The following RTTN variants were observed in gnomAD, a reference collection of about 807,000 sequenced individuals.
RTTN encodes rotatin.
A neutral mutation model predicts 269.2 loss-of-function variants in RTTN; 182 were observed. That is an observed-to-expected ratio of 0.68 (90% CI 0.60 to 0.76). The LOEUF is 0.76. RTTN is among the 30% of genes least tolerant of loss of function. The probability of loss-of-function intolerance (pLI) is 0.00; values close to 1 mark genes in which losing one functional copy is unlikely to be tolerated. For synonymous variants in RTTN, 1,006 were observed against 963.5 expected, an observed-to-expected ratio of 1.04 and a Z score of -0.82; for missense variants, 2,545 against 2,608.6, an observed-to-expected ratio of 0.98 and a Z score of 0.53.
intron 10 of RTTN, among the ~76,000 whole-genome samples, chr18:70,184,328 C>T (rs998174187): frequency 6.6e-6 from 1 of 151,870 alleles, no homozygotes; most frequent in African/African-American, 2.4e-5. Flanking sequence ...CCGAGGCAGG[C>T]AGATCACCTG....
At chr18:70,070,554 C>T (rs1370681305) in intron 34 of RTTN, among the ~76,000 whole-genome samples, 3 of 152,132 alleles carry the variant, frequency 2.0e-5, no homozygotes, top group Non-Finnish European at 4.4e-5. Flanking sequence ...AGTGTCAATA[C>T]GTTATTTCTC....
chr18:70,204,596 G>A (rs937626146), intron 2 of RTTN, among the ~76,000 whole-genome samples: 2 of 152,174 alleles, frequency 1.3e-5, no homozygotes, highest in African/African-American at 2.4e-5. Context: ...TCAACAGGAT[G>A]TCAAAGTAGT....
intron 44 of RTTN, among the ~76,000 whole-genome samples, chr18:70,022,959 T>G (rs2056748262): frequency 6.6e-6 from 1 of 152,156 alleles, no homozygotes; most frequent in Non-Finnish European, 1.5e-5. Context: ...ACAATCTACA[T>G]GACAATGACT....
At chr18:70,032,260 C>T (rs576737279) in intron 40 of RTTN, among the ~76,000 whole-genome samples, 2 of 152,256 alleles carry the variant, frequency 1.3e-5, no homozygotes, top group African/African-American at 2.4e-5. Context: ...TCCCAGAGCC[C>T]GAGCCTAGCC....
Position 70,092,116 on chromosome 18 carries a change from G to A in RTTN, c.4137C>T (p.Asp1379=). The A allele has an allele frequency of 6.2e-7, 1 of 1,601,618 alleles. No individual in the cohort carries two copies. Residue 1379 remains aspartate, a synonymous_variant, in exon 30 of 49, where the codon GAC becomes GAT. Transcript: ENST00000640769. ...GATTCTCCTTCACACTCACCTCTGG[G>A]TCCCGATCAACCCATAATGGAATCA... ...AWLIPLWVDR[D]PEVRFTSLGL... is the part of the protein sequence containing the mutation.
chr18:70,114,633 T>C (rs1361484938), intron 26 of RTTN, 34 bp from the exon 27 acceptor site: 3 of 1,589,110 alleles, frequency 1.9e-6, no homozygotes, highest in Non-Finnish European at 2.6e-6. Flanking sequence ...ATGTATTTAC[T>C]AATTGAACTA....
At chr18:70,044,333 C>T (rs1249033639) in intron 40 of RTTN, among the ~76,000 whole-genome samples, 1 of 152,096 alleles carries the variant, frequency 6.6e-6, no homozygotes, top group Non-Finnish European at 1.5e-5. Context: ...ATATAAGGAG[C>T]AAAATTAATT....
Position 70,196,581 on chromosome 18 carries a change from G to C in RTTN, c.761C>G (p.Ser254Cys), listed in dbSNP as rs756669474. Reference protein sequence around the residue: ...GKHRLALQSVSCLQQLCMYLR... With the variant: ...GKHRLALQSVCCLQQLCMYLR... Reference sequence around the variant, plus strand: ...ATACATGCACAGCTGCTGCAGGCAGGACACCGACTGTAATGCCAGGCGATG... The same window carrying C: ...ATACATGCACAGCTGCTGCAGGCAGCACACCGACTGTAATGCCAGGCGATG... The change falls in exon 7 of 49, where the codon TCC (serine) becomes TGC (cysteine). Residue 254 changes from serine (S) to cysteine (C), a missense_variant. Ser to Cys is a moderately radical substitution (Grantham distance 112, BLOSUM62 -1). Coordinates refer to ENST00000640769, the MANE Select transcript of RTTN (RefSeq NM_173630.4). 2 of 1,604,810 alleles carry C rather than the reference G, an allele frequency of 1.2e-6. No individual in the cohort carries two copies. Among genetic ancestry groups the C allele is most frequent in the Non-Finnish European group, 1.7e-6 (2 of 1,177,408 alleles).
At chr18:70,088,309 T>C (rs1449874944) in intron 30 of RTTN, among the ~76,000 whole-genome samples, 162 bp from the exon 31 acceptor site, 2 of 152,208 alleles carry the variant, frequency 1.3e-5, no homozygotes, top group African/African-American at 4.8e-5. Flanking sequence ...CTCCATTCCA[T>C]GATTCAAGAA....
intron 28 of RTTN, among the ~76,000 whole-genome samples, chr18:70,100,447 G>C (rs1014083672): frequency 3.3e-5 from 5 of 152,248 alleles, no homozygotes; most frequent in African/African-American, 1.2e-4. Context: ...CGACTTTGCT[G>C]AAGTTGCTTA....
chr18:70,157,555 C>T (rs911039900), intron 14 of RTTN, among the ~76,000 whole-genome samples: 2 of 152,158 alleles, frequency 1.3e-5, no homozygotes, highest in African/African-American at 4.8e-5. Flanking sequence ...ATTCTAAAAG[C>T]CAGAATGTCT....
chr18:70,168,149 C>G (rs1208668409), intron 12 of RTTN, among the ~76,000 whole-genome samples: 3 of 151,500 alleles, frequency 2.0e-5, no homozygotes, highest in Non-Finnish European at 2.9e-5. Context: ...TAAATAGGTT[C>G]AGATAGATTC....
intron 40 of RTTN, among the ~76,000 whole-genome samples, chr18:70,037,380 G>A (rs768076070): frequency 6.6e-6 from 1 of 152,160 alleles, no homozygotes; most frequent in Non-Finnish European, 1.5e-5. Context: ...CCTTCTACTT[G>A]AGGAAGAGAG....
chr18:70,071,901 C>T (rs1489380072), intron 34 of RTTN, among the ~76,000 whole-genome samples: 1 of 152,066 alleles, frequency 6.6e-6, no homozygotes, highest in Non-Finnish European at 1.5e-5. Context: ...CATTTTTTCT[C>T]AATTCTGAGA....
intron 40 of RTTN, among the ~76,000 whole-genome samples, chr18:70,041,323 C>T (rs1212993704): frequency 6.6e-6 from 1 of 152,000 alleles, no homozygotes; most frequent in African/African-American, 2.4e-5. Context: ...TAGTTGTGTG[C>T]ACAGATATGT....
At position 70,048,182 on chromosome 18, in the gene RTTN, A is replaced by G. The variant is rs367855726; in HGVS notation, c.5330T>C (p.Phe1777Ser). Residue 1777 changes from phenylalanine to serine, a missense_variant, in exon 40 of 49, where the codon TTC becomes TCC. Coordinates refer to ENST00000640769, the MANE Select transcript of RTTN (RefSeq NM_173630.4). ...AKHWTAAIDMFCTCAGLSATC... is the reference protein window; with the variant it reads ...AKHWTAAIDMSCTCAGLSATC... Reference sequence around the variant, plus strand: ...GGCAGACAAGCCTGCACATGTGCAGAACATATCTAAAGGAATAATTTCAGA... The same window carrying G: ...GGCAGACAAGCCTGCACATGTGCAGGACATATCTAAAGGAATAATTTCAGA... 66 of 1,610,520 alleles carry G rather than the reference A, an allele frequency of 4.1e-5. No homozygotes were observed. The highest frequency in any genetic ancestry group is 5.1e-5 in the Non-Finnish European group (60 of 1,177,174).
Position 70,140,126 on chromosome 18 carries a change from T to C in RTTN, c.2644A>G (p.Asn882Asp), listed in dbSNP as rs756690279. The change falls in exon 20 of 49, where the codon AAT (asparagine) becomes GAT (aspartate). Residue 882 changes from asparagine to aspartate, a missense_variant. Asn to Asp is a conservative substitution (Grantham distance 23). Transcript: ENST00000640769. ...TTGCCATCTTGACTCACACATTCAT[T>C]TAAATACTCAATTATTTTGTCAATT... ...CLIDKIIEYL[N>D]ECVSQDGKVV... 1 of 1,598,720 alleles carries C rather than the reference T, an allele frequency of 6.3e-7. No individual in the cohort carries two copies. The highest frequency in any genetic ancestry group is 8.6e-7 in the Non-Finnish European group (1 of 1,166,674).
intron 28 of RTTN, 89 bp downstream of exon 28, chr18:70,109,409 T>C (rs933841897): frequency 1.0e-5 from 9 of 888,616 alleles, no homozygotes; most frequent in Non-Finnish European, 1.7e-5. Context: ...TATTCTACAT[T>C]GAATAGAGTA....
intron 40 of RTTN, among the ~76,000 whole-genome samples, chr18:70,036,109 A>G (rs2144671520): frequency 6.6e-6 from 1 of 152,354 alleles, no homozygotes; most frequent in East Asian, 1.9e-4. Flanking sequence ...AGTGCAAATT[A>G]GTTCAACCAT....
Sources: gnomAD v4.1 joint callset for allele counts (sites outside exome capture counted in the v4.1 genomes callset) on GRCh38, gnomAD v4.1.1 for gene constraint, MANE v1.5 for transcripts, NCBI Gene and HGNC (gene_info 2026-07-23, HGNC 2026-07-21) for gene names.